Variants in PRSS16 observed in about 807,000 individuals in gnomAD.
The protein encoded by PRSS16 is thymus-specific serine protease.
A neutral mutation model predicts 61.7 loss-of-function variants in PRSS16; 43 were observed. The ratio of observed to expected loss-of-function variants is 0.70; its 90% CI spans 0.55 to 0.90. The LOEUF (loss-of-function observed/expected upper bound fraction) is 0.90. Ranked by LOEUF, PRSS16 falls within the 40% of genes least tolerant of loss-of-function variation. The pLI, the probability that PRSS16 is intolerant of heterozygous loss-of-function variation, is 0.00. For synonymous variants in PRSS16, 273 were observed against 285.2 expected (o/e 0.96, Z 0.43); for missense variants, 591 against 659.1 (o/e 0.90, Z 1.13).
In PRSS16 at chr6:27,247,731, G is replaced by A. The variant is rs770555613; in HGVS notation, c.-7G>A. ...TCCTCCTGGGGGAGAACAGAGTCCC[G>A]AACACCATGGCCGTCTGGCTTGCCC... On this transcript the variant is annotated 5_prime_UTR_variant, in exon 1 of 12. Coordinates refer to ENST00000230582, the MANE Select transcript of PRSS16 (RefSeq NM_005865.4). 14 of 1,563,766 alleles carry A rather than the reference G, an allele frequency of 9.0e-6. No individual in the cohort carries two copies. The African/African-American group carries it at 9.5e-5, about 11-fold the overall frequency.
At position 27,251,036 on chromosome 6, in the gene PRSS16, C is replaced by T. The variant is rs1284716874; in HGVS notation, c.592-6C>T. 5.0e-6 allele frequency: 8 copies of T among 1,613,652 alleles called. No individual in the cohort carries two copies. Among genetic ancestry groups the T allele is most frequent in the Admixed American group, 1.7e-5 (1 of 60,014 alleles). On this transcript the variant is annotated splice_region_variant and splice_polypyrimidine_tract_variant and intron_variant, in intron 5 of 11. Coordinates refer to ENST00000230582, the MANE Select transcript of PRSS16 (RefSeq NM_005865.4). The surrounding 1 kb of genome is among the most constrained non-coding windows in gnomAD (Gnocchi z 5.6). ...GCCCGCAGGCTGACGGCGTCTCCTCCCTTAGTTCCCCCATCTCATTTTCGC... is the reference window on the plus strand; with the variant it reads ...GCCCGCAGGCTGACGGCGTCTCCTCTCTTAGTTCCCCCATCTCATTTTCGC...
Position 27,256,406 on chromosome 6 carries a change from C to A in PRSS16, c.*1091C>A, listed in dbSNP as rs1487011785. The A allele has an allele frequency of 6.6e-6, 1 of 152,616 alleles. No individual in the cohort carries two copies. The highest frequency in any genetic ancestry group is 1.5e-5 in the Non-Finnish European group (1 of 68,044). 9.5% of individuals were successfully genotyped at this position (152,616 alleles called of 1,614,324 possible). On this transcript the variant is annotated 3_prime_UTR_variant, in exon 12 of 12. Transcript: ENST00000230582. ...GAACCTGCCATAGATTTGCACTGTT[C>A]TTTCCTAAAGATCAATTATTTTCAG...
rs1182349260 is a variant in PRSS16 at position 27,252,527 on chromosome 6, G to C, written c.1009-281G>C. Among the ~76,000 whole-genome samples the C allele has an allele frequency of 6.6e-6, 1 of 152,108 alleles. No individual in the cohort carries two copies. The highest frequency in any genetic ancestry group is 2.4e-5 in the African/African-American group (1 of 41,422). On this transcript the variant is annotated intron_variant, in intron 8 of 11. Transcript: ENST00000230582. The surrounding 1 kb of genome is among the most constrained non-coding windows in gnomAD (Gnocchi z 4.2). ...ATTTCATTAAGTTCTCAAGAGATAG[G>C]CACTATTATTATCGCCACTTACAGA...
At chr6:27,253,611 T>A (rs1173830767) in intron 9 of PRSS16, 3 of 298,774 alleles carry the variant, frequency 1.0e-5, no homozygotes, top group African/African-American at 2.2e-5. Context: ...TACAACAGAT[T>A]TTTTTTTAGT....
At chr6:27,248,370 G>T (rs1761266566) in intron 2 of PRSS16, among the ~76,000 whole-genome samples, 1 of 151,674 alleles carries the variant, frequency 6.6e-6, no homozygotes, top group South Asian at 2.1e-4. Context: ...CTACCACCAG[G>T]TCTCAGTAGG....
At position 27,248,066 on chromosome 6, in the gene PRSS16, G is replaced by C. The variant is rs371999803; in HGVS notation, c.237+18G>C. ...TCCTACAGGTGAGGCCGGGAGACGG[G>C]GAGTCCACTAACCATCCTGCCCTCT... On this transcript the variant is annotated intron_variant, in intron 2 of 11. Coordinates refer to ENST00000230582, the MANE Select transcript of PRSS16 (RefSeq NM_005865.4). 2.5e-6 allele frequency: 4 copies of C among 1,608,908 alleles called. No homozygotes were observed. In the East Asian group the frequency reaches 8.9e-5, roughly 36 times the overall value.
chr6:27,252,788 G>A lies in PRSS16; in HGVS notation c.1009-20G>A, dbSNP rs1759943916. 1.2e-6 allele frequency: 2 copies of A among 1,613,776 alleles called. No individual in the cohort carries two copies. Among genetic ancestry groups the A allele is most frequent in the Non-Finnish European group, 1.7e-6 (2 of 1,179,960 alleles). The stretch of plus-strand genomic sequence containing the variant: ...AAGAGAGGAGGAATTTATGTCTTAT[G>A]TATGTACATTGTTCCCTAGATTGTC... On this transcript the variant is annotated intron_variant, in intron 8 of 11. Coordinates refer to ENST00000230582, the MANE Select transcript of PRSS16 (RefSeq NM_005865.4). This position sits in a 1 kb window ranked among gnomAD's most constrained non-coding sequence, Gnocchi z 4.2.
intron 5 of PRSS16, 91 bp downstream of exon 5, chr6:27,250,897 C>T: frequency 6.4e-7 from 1 of 1,553,740 alleles, no homozygotes; most frequent in Non-Finnish European, 8.7e-7. Context: ...CCACCACGCC[C>T]CTACCTTCCT....
chr6:27,254,432 T>C, intron 9 of PRSS16: 1 of 458,466 alleles, frequency 2.2e-6, no homozygotes. Flanking sequence ...CTCAAGGTCT[T>C]ATCCTTTGCA....
At position 27,251,240 on chromosome 6, in the gene PRSS16, C is replaced by G; in HGVS notation, c.693C>G (p.Ser231Arg). ...AGGTGGTATCCCGAAGCCTAATGAG[C>G]ACCGCGATCGGCGGGTCCCTGGAGG... ...YNDVVSRSLM[S>R]TAIGGSLECR... is the part of the protein sequence containing the mutation. The change falls in exon 7 of 12, where the codon AGC becomes AGG. Residue 231 changes from serine to arginine, a missense_variant. Physicochemically the swap from Ser to Arg is moderately radical, Grantham distance 110. Coordinates refer to ENST00000230582, the MANE Select transcript of PRSS16 (RefSeq NM_005865.4). The surrounding 1 kb of genome is among the most constrained non-coding windows in gnomAD (Gnocchi z 5.6). 1 of 1,610,856 alleles carries G rather than the reference C, an allele frequency of 6.2e-7. No individual in the cohort carries two copies. The highest frequency in any genetic ancestry group is 8.5e-7 in the Non-Finnish European group (1 of 1,178,026).
At chr6:27,248,662 A>G (rs1761271195) in intron 2 of PRSS16, among the ~76,000 whole-genome samples, 185 bp from the exon 3 acceptor site, 1 of 151,898 alleles carries the variant, frequency 6.6e-6, no homozygotes. Context: ...GCTTTTGTAT[A>G]TTTTGCATTC....
chr6:27,248,245 G>A (rs922709142), intron 2 of PRSS16, among the ~76,000 whole-genome samples, 197 bp downstream of exon 2: 5 of 151,300 alleles, frequency 3.3e-5, no homozygotes, highest in Admixed American at 6.6e-5. Flanking sequence ...TCCTCTCCTC[G>A]GGGTCCCACT....
intron 4 of PRSS16, among the ~76,000 whole-genome samples, chr6:27,250,299 A>G (rs1038608001): frequency 4.6e-5 from 7 of 152,218 alleles, no homozygotes; most frequent in African/African-American, 1.7e-4. Context: ...TCTCTCTCCC[A>G]ATACCTTGCA....
At chr6:27,253,548 G>GT (rs1397618271) in intron 9 of PRSS16, 1 of 433,430 alleles carries the variant, frequency 2.3e-6, no homozygotes, top group Admixed American at 2.7e-5. Flanking sequence ...AGACCCCAGG[G>GT]TAGTGTTGCC....
At chr6:27,254,566 C>A in intron 9 of PRSS16, 127 bp from the exon 10 acceptor site, 1 of 915,036 alleles carries the variant, frequency 1.1e-6, no homozygotes, top group Non-Finnish European at 1.7e-6. Flanking sequence ...TCTGCCAGGA[C>A]TGTAAACTCC....
intron 5 of PRSS16, 85 bp from the exon 6 acceptor site, chr6:27,250,957 T>C (rs1018005598): frequency 8.2e-6 from 13 of 1,586,344 alleles, no homozygotes; most frequent in Non-Finnish European, 1.1e-5. Context: ...AGCCCGAGAT[T>C]ACACAGCGAG....
rs11966320 is a variant in PRSS16, at chr6:27,252,287, C to T, written c.1008+247C>T. 0.033 allele frequency: 17,303 copies of T among 531,178 alleles called. 657 individuals are homozygous for T. The highest frequency in any genetic ancestry group is 0.12 in the African/African-American group (6,344 of 50,968). 32.9% of individuals were successfully genotyped at this position (531,178 alleles called of 1,614,324 possible). A position where few individuals can be genotyped will look rare whatever the true frequency, so the allele number is the denominator to read the frequency against. On this transcript the variant is annotated intron_variant, in intron 8 of 11. Transcript: ENST00000230582. This position sits in a 1 kb window ranked among gnomAD's most constrained non-coding sequence, Gnocchi z 4.2. ...TGCGATTATTACCTATTTTGCCTATCCTGTCCTGTTCTCTTTTGGGGGGCC... is the reference window on the plus strand; with the variant it reads ...TGCGATTATTACCTATTTTGCCTATTCTGTCCTGTTCTCTTTTGGGGGGCC...
At chr6:27,253,655 T>A (rs1331633562) in intron 9 of PRSS16, 1 of 193,892 alleles carries the variant, frequency 5.2e-6, no homozygotes, top group Non-Finnish European at 1.1e-5. Context: ...TATGGTAAAT[T>A]AAATGTTCAA....
At position 27,248,018 on chromosome 6, in the gene PRSS16, C is replaced by T; in HGVS notation, c.207C>T (p.Phe69=). The change falls in exon 2 of 12, where the codon TTC becomes TTT. Residue 69 remains phenylalanine (F), a synonymous_variant. Coordinates refer to ENST00000230582, the MANE Select transcript of PRSS16 (RefSeq NM_005865.4). ...GGCTGGAGCAACTGCTGGACCCCTT[C>T]AACGTGTCCGACAGACGATCCTTCC... ...VGWLEQLLDP[F]NVSDRRSFLQ... 1.2e-6 allele frequency: 2 copies of T among 1,613,818 alleles called. No individual in the cohort carries two copies. The highest frequency in any genetic ancestry group is 1.1e-5 in the South Asian group (1 of 91,028).
Sources: gnomAD v4.1 joint callset for allele counts (sites outside exome capture counted in the v4.1 genomes callset) on GRCh38, gnomAD v4.1.1 for gene constraint, Gnocchi (gnomAD v3.1) non-coding constraint, MANE v1.5 for transcripts, NCBI Gene and HGNC (gene_info 2026-07-23, HGNC 2026-07-21) for gene names.